Variants in ARHGEF10L observed in about 807,000 individuals in gnomAD.
ARHGEF10L encodes rho guanine nucleotide exchange factor 10-like protein.
A neutral mutation model predicts 141.2 loss-of-function variants in ARHGEF10L; 69 were observed. The ratio of observed to expected loss-of-function variants is 0.49; its 90% CI spans 0.40 to 0.60. ARHGEF10L has a LOEUF of 0.60. Ranked by LOEUF, ARHGEF10L falls within the 20% of genes least tolerant of loss-of-function variation. ARHGEF10L has a pLI of 0.00. For synonymous variants in ARHGEF10L, 711 were observed against 718.5 expected (o/e 0.99, Z 0.17); for missense variants, 1,482 against 1,734.3 (o/e 0.85, Z 2.58).
chr1:17,649,379 C>A (rs2061780633), intron 22 of ARHGEF10L, among the ~76,000 whole-genome samples: 1 of 152,196 alleles, frequency 6.6e-6, no homozygotes, highest in Admixed American at 6.5e-5. Context: ...TTACTGCCTC[C>A]CCTTTCCCAG....
intron 2 of ARHGEF10L, 125 bp downstream of exon 2, chr1:17,580,757 G>T (rs1215601697): frequency 8.6e-7 from 1 of 1,159,526 alleles, no homozygotes; most frequent in Non-Finnish European, 1.3e-6. Flanking sequence ...CTGGCTGCTG[G>T]CCCTGCCTGG....
chr1:17,593,187 G>A (rs962155145), intron 4 of ARHGEF10L, among the ~76,000 whole-genome samples: 6 of 152,192 alleles, frequency 3.9e-5, no homozygotes, highest in East Asian at 1.9e-4. Flanking sequence ...TCCCTGCAGC[G>A]GTGGGACTCT....
At chr1:17,545,886 C>T (rs925065704) in intron 1 of ARHGEF10L, among the ~76,000 whole-genome samples, 9 of 152,152 alleles carry the variant, frequency 5.9e-5, no homozygotes, top group Admixed American at 3.9e-4. Context: ...GCACATGCTG[C>T]TCCTTCTACC....
At position 17,639,455 on chromosome 1, in the gene ARHGEF10L, G is replaced by A. The variant is rs2061204159; in HGVS notation, c.2172-747G>A. Among the ~76,000 whole-genome samples, 1 of 152,218 alleles carries A rather than the reference G, an allele frequency of 6.6e-6. No homozygotes were observed. The highest frequency in any genetic ancestry group is 2.4e-5 in the African/African-American group (1 of 41,464). On this transcript the variant is annotated intron_variant, in intron 20 of 28. Coordinates refer to ENST00000361221, the MANE Select transcript of ARHGEF10L (RefSeq NM_018125.4). The surrounding 1 kb of genome is among the most constrained non-coding windows in gnomAD (Gnocchi z 4.3). ...GAAGGTTGGAGCACTATCATTTGAG[G>A]TAGGACCATGGGCTCAGTCCCCCAG...
At position 17,654,341 on chromosome 1, in the gene ARHGEF10L, G is replaced by T. The variant is rs954212353; in HGVS notation, c.2395-295G>T. Among the ~76,000 whole-genome samples, 1 of 152,176 alleles carries T rather than the reference G, an allele frequency of 6.6e-6. No homozygotes were observed. The highest frequency in any genetic ancestry group is 1.5e-5 in the Non-Finnish European group (1 of 68,036). On this transcript the variant is annotated intron_variant, in intron 22 of 28. Transcript: ENST00000361221. The surrounding 1 kb of genome is among the most constrained non-coding windows in gnomAD (Gnocchi z 4.3). The stretch of plus-strand genomic sequence containing the variant: ...TTCCCTGTTTGTAAAATAAGGAGGG[G>T]TGGGTGGCTTTCAAGAAATCTTATC...
At chr1:17,634,285 A>G in intron 16 of ARHGEF10L, 1 of 609,414 alleles carries the variant, frequency 1.6e-6, no homozygotes, top group East Asian at 2.9e-5. Flanking sequence ...ATTTGGGCTG[A>G]GTCACTTCAC....
chr1:17,527,875 T>C, the ARHGEF10L span, among the ~76,000 whole-genome samples: 31 of 150,396 alleles, frequency 2.1e-4, no homozygotes, highest in Admixed American at 1.9e-3. Flanking sequence ...CTTTTCTTTT[T>C]TTTTTTTTTT....
In ARHGEF10L at chr1:17,612,936, G is replaced by A. The variant is rs185250617; in HGVS notation, c.610-122G>A. On this transcript the variant is annotated intron_variant, in intron 7 of 28. Coordinates refer to ENST00000361221, the MANE Select transcript of ARHGEF10L (RefSeq NM_018125.4). ...CTGGGGTGCCGCATCCCGCCTGCCCGAGCTGTCCGTCCGCACTTTACCTGA... is the reference window on the plus strand; with the variant it reads ...CTGGGGTGCCGCATCCCGCCTGCCCAAGCTGTCCGTCCGCACTTTACCTGA... The A allele has an allele frequency of 5.1e-4, 348 of 683,432 alleles. 1 individual carries two copies. The African/African-American group carries it at 5.6e-3, about 11-fold the overall frequency. The allele number at this position is 683,432 out of a possible 1,614,324, so 42.3% of individuals were successfully genotyped here.
chr1:17,668,775 G>A (rs1454903321), intron 26 of ARHGEF10L, among the ~76,000 whole-genome samples: 2 of 152,120 alleles, frequency 1.3e-5, no homozygotes, highest in South Asian at 2.1e-4. Context: ...ACAACCATTC[G>A]GCACAGTAAC....
At chr1:17,538,166 T>C (rs981360817), upstream of ARHGEF10L, among the ~76,000 whole-genome samples, 1 of 152,226 alleles carries the variant, frequency 6.6e-6, no homozygotes, top group Non-Finnish European at 1.5e-5. Context: ...TGGCTCTGGC[T>C]ATGACGGCAG....
intron 14 of ARHGEF10L, 112 bp downstream of exon 14, chr1:17,626,160 C>A: frequency 1.2e-6 from 1 of 822,774 alleles, no homozygotes; most frequent in Non-Finnish European, 2.0e-6. Flanking sequence ...ATCCATAACC[C>A]ACCCAACCTG....
chr1:17,600,686 T>C (rs1476332099), intron 4 of ARHGEF10L, among the ~76,000 whole-genome samples: 1 of 152,190 alleles, frequency 6.6e-6, no homozygotes, highest in Non-Finnish European at 1.5e-5. Context: ...TTAACTGTCA[T>C]GTCTCTGTAG....
intron 18 of ARHGEF10L, 116 bp downstream of exon 18, chr1:17,635,132 G>A (rs2060924838): frequency 1.5e-6 from 2 of 1,294,360 alleles, no homozygotes; most frequent in Admixed American, 5.4e-5. Context: ...AGGCTGATGG[G>A]TGGCTTGGCC....
At chr1:17,688,385 G>A (rs906336242) in intron 27 of ARHGEF10L, among the ~76,000 whole-genome samples, 4 of 152,176 alleles carry the variant, frequency 2.6e-5, no homozygotes, top group Admixed American at 6.5e-5. Flanking sequence ...TCAGCCTTTC[G>A]TTGCCATCTG....
chr1:17,518,822 A>AAAG, the ARHGEF10L span, among the ~76,000 whole-genome samples: 3 of 78,730 alleles, frequency 3.8e-5, no homozygotes, highest in Non-Finnish European at 7.5e-5. Flanking sequence ...AAAAAAAAAA[A>AAAG]AAAGAAAGAA....
chr1:17,538,067 A>G (rs922673885), upstream of ARHGEF10L, among the ~76,000 whole-genome samples: 12 of 151,656 alleles, frequency 7.9e-5, no homozygotes, highest in East Asian at 1.2e-3. Flanking sequence ...CAGTCTCTTA[A>G]AAAAAAACAA....
At chr1:17,594,792 T>C (rs558024266) in intron 4 of ARHGEF10L, among the ~76,000 whole-genome samples, 6 of 152,314 alleles carry the variant, frequency 3.9e-5, no homozygotes, top group Admixed American at 3.9e-4. Flanking sequence ...GCCCCCTCAG[T>C]TGCTAATCTC....
intron 18 of ARHGEF10L, among the ~76,000 whole-genome samples, chr1:17,636,701 G>T (rs1034216632): frequency 2.6e-5 from 4 of 152,086 alleles, no homozygotes; most frequent in Non-Finnish European, 5.9e-5. Context: ...GACCATTCAG[G>T]TGCCATAGTC....
chr1:17,616,716 A>G (rs1254124626), intron 9 of ARHGEF10L, among the ~76,000 whole-genome samples: 1 of 152,168 alleles, frequency 6.6e-6, no homozygotes, highest in African/African-American at 2.4e-5. Context: ...ACAGGTTGAC[A>G]AGTGGTCCAC....
Sources: gnomAD v4.1 joint callset for allele counts (sites outside exome capture counted in the v4.1 genomes callset) on GRCh38, gnomAD v4.1.1 for gene constraint, Gnocchi (gnomAD v3.1) non-coding constraint, MANE v1.5 for transcripts, NCBI Gene and HGNC (gene_info 2026-07-23, HGNC 2026-07-21) for gene names.